Variants in RTL9 observed in about 807,000 individuals in gnomAD.
RTL9 encodes retrotransposon Gag like 9, also known as retrotransposon Gag-like protein 9.
RTL9 carries 19 observed loss-of-function variants against 44.7 expected under a neutral mutation model. The observed-to-expected ratio is 0.42, with a 90% CI of 0.30 to 0.62. The LOEUF is 0.62. RTL9 is among the 20% of genes least tolerant of loss of function. The probability of loss-of-function intolerance (pLI) is 0.16; values close to 1 mark genes in which losing one functional copy is unlikely to be tolerated. For synonymous variants in RTL9, 407 were observed against 398.9 expected (o/e 1.02, Z -0.24); for missense variants, 1,105 against 1,080.6 (o/e 1.02, Z -0.32).
chrX:110,423,344 AAAAG>A (rs1206984604), intron 1 of RTL9, among the ~76,000 whole-genome samples: 3 of 110,701 alleles, frequency 2.7e-5, no homozygotes, highest in Non-Finnish European at 3.8e-5. Context: ...AAAAAAAAGA[AAAAG>A]AAAAAGAAAG....
chrX:110,454,382 C>T, exon 1 of RTL9: 1 of 1,212,291 alleles, frequency 8.2e-7, no homozygotes, highest in Admixed American at 2.2e-5. Flanking sequence ...ATGCCACTGA[C>T]TTCCTGCTGC....
chrX:110,410,006 G>A (rs900174920), intron 1 of RTL9, among the ~76,000 whole-genome samples: 1 of 111,966 alleles, frequency 8.9e-6, no homozygotes, highest in Non-Finnish European at 1.9e-5. Flanking sequence ...CAGTAAGTCC[G>A]AGATGAGGAC....
Position 110,377,860 on chromosome X carries a change from T to C in RTL9, c.-168+18944T>C, listed in dbSNP as rs923604710. Among the ~76,000 whole-genome samples the C allele has an allele frequency of 4.6e-5, 5 of 108,112 alleles. No homozygotes were observed. In the South Asian group the frequency reaches 2.1e-3, roughly 45 times the overall value. The allele number at this position is 108,112 out of a possible 115,157, so 93.9% of individuals were successfully genotyped here. A position where few individuals can be genotyped will look rare whatever the true frequency, so the allele number is the denominator to read the frequency against. On this transcript the variant is annotated intron_variant, in intron 1 of 2. Coordinates refer to the RTL9 transcript ENST00000520821. ...CCGTCTCTACTAAAAATACAAAAAA[T>C]TAGCCGGGCGTGGTAGCGGGCCCCT...
chrX:110,389,269 C>A (rs1187643523), intron 1 of RTL9, among the ~76,000 whole-genome samples: 1 of 112,575 alleles, frequency 8.9e-6, no homozygotes, highest in Non-Finnish European at 1.9e-5. Flanking sequence ...GACCAAAGAT[C>A]CTTCGTTAAC....
chrX:110,402,508 G>C (rs2068571996), intron 1 of RTL9, among the ~76,000 whole-genome samples: 1 of 112,944 alleles, frequency 8.9e-6, no homozygotes, highest in South Asian at 3.6e-4. Flanking sequence ...CATGGATGGG[G>C]TATGTGAGTG....
At chrX:110,448,051 T>G (rs1250527326), upstream of RTL9, among the ~76,000 whole-genome samples, 2 of 112,381 alleles carry the variant, frequency 1.8e-5, no homozygotes, top group African/African-American at 6.5e-5. Flanking sequence ...GTGCTTTTCT[T>G]GCTAGCTGTC....
intron 1 of RTL9, among the ~76,000 whole-genome samples, chrX:110,377,290 C>A (rs1187573293): frequency 9.0e-6 from 1 of 111,632 alleles, no homozygotes; most frequent in Non-Finnish European, 1.9e-5. Flanking sequence ...ATCTTAATAT[C>A]TTTCTATTTG....
At chrX:110,406,361 G>T (rs952723999) in intron 1 of RTL9, among the ~76,000 whole-genome samples, 1 of 110,049 alleles carries the variant, frequency 9.1e-6, no homozygotes, top group Non-Finnish European at 1.9e-5. Context: ...GCGGTGTTTG[G>T]TTTTCTGATC....
Position 110,412,970 on chromosome X carries a change from AGG to A in RTL9, c.-167-32181_-167-32180del, listed in dbSNP as rs200866805. Among the ~76,000 whole-genome samples the A allele has an allele frequency of 6.3e-5, 7 of 111,871 alleles. No homozygotes were observed. In the Admixed American group the frequency reaches 6.6e-4, roughly 10 times the overall value. On this transcript the variant is annotated intron_variant, in intron 1 of 2. Coordinates refer to the RTL9 transcript ENST00000520821. Reference sequence around the variant, plus strand: ...CTTTTATAATAAACAAAAGATGTAAAGGGAAAAAAAAGCTCCGTTTGGAATTC... The same window carrying A: ...CTTTTATAATAAACAAAAGATGTAAAGAAAAAAAAGCTCCGTTTGGAATTC...
At chrX:110,364,032 A>G (rs1425139281) in intron 1 of RTL9, among the ~76,000 whole-genome samples, 1 of 111,808 alleles carries the variant, frequency 8.9e-6, no homozygotes, top group Non-Finnish European at 1.9e-5. Flanking sequence ...AGATATTTAT[A>G]CTTTCACAGT....
At chrX:110,415,154 C>T (rs187422706), upstream of RTL9, among the ~76,000 whole-genome samples, 450 of 111,910 alleles carry the variant, frequency 4.0e-3, 2 homozygotes, top group African/African-American at 0.014. Flanking sequence ...CTCTGTACTC[C>T]CCAGGGCCGT....
Position 110,392,272 on chromosome X carries a change from GTTTT to G in RTL9, c.-168+33375_-168+33378del, listed in dbSNP as rs377409601. 4.6e-4 allele frequency among the ~76,000 whole-genome samples: 39 copies of G among 85,067 alleles called. No homozygotes were observed. In the East Asian group the frequency reaches 0.013, roughly 27 times the overall value. 73.9% of individuals were successfully genotyped at this position (85,067 alleles called of 115,157 possible). ...TTAAATGCTCAAATTTCTACCACAG[GTTTT>G]TTTTTTTTTTTTTTTTTTGAGACAA... On this transcript the variant is annotated intron_variant, in intron 1 of 2. Transcript: ENST00000520821.
Position 110,440,631 on chromosome X carries a change from A to G in RTL9, c.-167-4522A>G, listed in dbSNP as rs1165884612. Among the ~76,000 whole-genome samples, 3 of 112,375 alleles carry G rather than the reference A, an allele frequency of 2.7e-5. No homozygotes were observed. The Admixed American group carries it at 2.8e-4, about 11-fold the overall frequency. ...ATGCCCAGGTCTCTGATGCGCTAACAATATGAAATAGCAGTGCCCTGTTTT... is the reference window on the plus strand; with the variant it reads ...ATGCCCAGGTCTCTGATGCGCTAACGATATGAAATAGCAGTGCCCTGTTTT... On this transcript the variant is annotated intron_variant, in intron 1 of 3. Transcript: ENST00000465301.
chrX:110,404,908 T>G (rs1440711033), intron 1 of RTL9, among the ~76,000 whole-genome samples: 1 of 111,684 alleles, frequency 9.0e-6, no homozygotes. Context: ...AAAATACACA[T>G]AGTAGCATTT....
chrX:110,452,992 A>T (rs2068955003), exon 1 of RTL9: 3 of 1,209,178 alleles, frequency 2.5e-6, no homozygotes, highest in South Asian at 3.5e-5. Flanking sequence ...TCCTCTGGAG[A>T]GATGTCCCTA....
chrX:110,428,600 TC>T (rs1249086512), intron 1 of RTL9, among the ~76,000 whole-genome samples: 1 of 110,123 alleles, frequency 9.1e-6, no homozygotes, highest in South Asian at 3.9e-4. Context: ...ATCTGAACAC[TC>T]CCCCCCTCTC....
At chrX:110,408,511 C>G (rs182078629) in intron 1 of RTL9, among the ~76,000 whole-genome samples, 4 of 112,472 alleles carry the variant, frequency 3.6e-5, no homozygotes, top group East Asian at 2.8e-4. Flanking sequence ...TTCTAATTAT[C>G]TAAACTTTTA....
At position 110,374,413 on chromosome X, in the gene RTL9, T is replaced by C. The variant is rs151246415; in HGVS notation, c.-168+15497T>C. On this transcript the variant is annotated intron_variant, in intron 1 of 2. Coordinates refer to the RTL9 transcript ENST00000520821. The stretch of plus-strand genomic sequence containing the variant: ...TAGTATTTCTCTCAATCTGGACATA[T>C]ATTTATTTTAGTACAGCCTGAGATT... 6.9e-3 allele frequency among the ~76,000 whole-genome samples: 770 copies of C among 112,081 alleles called. 2 individuals are homozygous for C. The highest frequency in any genetic ancestry group is 0.02 in the South Asian group (54 of 2,679).
At chrX:110,395,551 G>A (rs751692075) in intron 1 of RTL9, among the ~76,000 whole-genome samples, 20 of 112,678 alleles carry the variant, frequency 1.8e-4, no homozygotes, top group Admixed American at 1.7e-3. Flanking sequence ...GAGCCTGGAG[G>A]TGACTTGCTC....
Sources: gnomAD v4.1 joint callset for allele counts (sites outside exome capture counted in the v4.1 genomes callset) on GRCh38, gnomAD v4.1.1 for gene constraint, MANE v1.5 for transcripts, NCBI Gene and HGNC (gene_info 2026-07-23, HGNC 2026-07-21) for gene names.